Variants in CFAP91 observed in about 807,000 individuals in gnomAD.
CFAP91 encodes the protein cilia and flagella associated protein 91, also known as cilia- and flagella-associated protein 91.
Under a neutral mutation model 95.9 loss-of-function variants are expected in CFAP91, and 85 were observed. The observed-to-expected ratio is 0.89, with a 90% CI of 0.74 to 1.06. CFAP91 has a LOEUF of 1.06. Among genes scored for constraint, CFAP91 ranks in the 50% least tolerant of loss-of-function variants. The pLI is 0.00. For synonymous variants in CFAP91, 335 were observed against 327.5 expected, an observed-to-expected ratio of 1.02 and a Z score of -0.25; for missense variants, 962 against 943.4, an observed-to-expected ratio of 1.02 and a Z score of -0.26.
At chr3:119,716,833 G>A (rs984741898) in intron 6 of CFAP91, among the ~76,000 whole-genome samples, 6 of 152,008 alleles carry the variant, frequency 3.9e-5, no homozygotes, top group African/African-American at 1.4e-4. Flanking sequence ...CTCGTGATCT[G>A]CCCACCTCAG....
At chr3:119,730,897 CA>C (rs1323571614) in intron 8 of CFAP91, among the ~76,000 whole-genome samples, 1 of 151,992 alleles carries the variant, frequency 6.6e-6, no homozygotes, top group Non-Finnish European at 1.5e-5. Context: ...TTATTCACTG[CA>C]AGATTAATAA....
At chr3:119,715,807 A>G (rs764498858) in intron 6 of CFAP91, 64 bp downstream of exon 6, 2 of 1,450,164 alleles carry the variant, frequency 1.4e-6, no homozygotes, top group African/African-American at 2.8e-5. Flanking sequence ...ATGCTGTTCA[A>G]ATGGCCCATG....
At chr3:119,763,233 C>G (rs1475177394) in intron 17 of CFAP91, among the ~76,000 whole-genome samples, 1 of 151,960 alleles carries the variant, frequency 6.6e-6, no homozygotes, top group Non-Finnish European at 1.5e-5. Flanking sequence ...CCCAACATTA[C>G]TAATCGTTCG....
At chr3:119,748,186 T>C (rs571234456) in intron 16 of CFAP91, among the ~76,000 whole-genome samples, 55 of 152,336 alleles carry the variant, frequency 3.6e-4, no homozygotes, top group Admixed American at 3.2e-3. Context: ...TATTTTTTTA[T>C]TTATTTTTTT....
chr3:119,716,025 C>G, intron 6 of CFAP91: 1 of 560,790 alleles, frequency 1.8e-6, no homozygotes, highest in Non-Finnish European at 3.1e-6. Context: ...TCTCATTTCT[C>G]TCTCCTAGTG....
intron 15 of CFAP91, chr3:119,747,603 C>T: frequency 3.4e-6 from 2 of 580,098 alleles, no homozygotes; most frequent in Non-Finnish European, 6.0e-6. Flanking sequence ...CCCTTCCTGG[C>T]AGGCAGGGTA....
Position 119,709,891 on chromosome 3 carries a change from T to C in CFAP91, c.496T>C (p.Ser166Pro). ...GCCATTCAATGTTGTTTATGCCGTATCCAAGTAAGTAACCATTATTTGAAA... is the reference window on the plus strand; with the variant it reads ...GCCATTCAATGTTGTTTATGCCGTACCCAAGTAAGTAACCATTATTTGAAA... ...QMPFNVVYAV[S>P]KAEPYTFPPT... Residue 166 changes from serine (S) to proline (P), a missense_variant, in exon 5 of 18, where the codon TCC becomes CCC. Coordinates refer to ENST00000273390, the MANE Select transcript of CFAP91 (RefSeq NM_033364.4). The C allele has an allele frequency of 1.2e-6, 2 of 1,606,186 alleles. No homozygotes were observed. The highest frequency in any genetic ancestry group is 1.7e-4 in the Middle Eastern group (1 of 6,050).
intron 15 of CFAP91, chr3:119,747,503 A>G: frequency 3.5e-6 from 2 of 564,326 alleles, no homozygotes; most frequent in South Asian, 5.1e-5. Context: ...ACTCGGAAGC[A>G]TGAAAACAAT....
intron 1 of CFAP91, among the ~76,000 whole-genome samples, chr3:119,704,271 T>G (rs777342699): frequency 6.6e-6 from 1 of 152,238 alleles, no homozygotes; most frequent in Non-Finnish European, 1.5e-5. Context: ...GTGTCTCTTT[T>G]GCAGAGGAAT....
chr3:119,740,428 C>A, intron 12 of CFAP91, 121 bp from the exon 13 acceptor site: 2 of 1,160,330 alleles, frequency 1.7e-6, no homozygotes, highest in South Asian at 3.0e-5. Flanking sequence ...TCTGTGGAAC[C>A]CAAAAGGCAG....
At position 119,733,507 on chromosome 3, in the gene CFAP91, G is replaced by T; in HGVS notation, c.1344+1G>T. The T allele has an allele frequency of 6.2e-7, 1 of 1,607,984 alleles. No homozygotes were observed. Among genetic ancestry groups the T allele is most frequent in the Non-Finnish European group, 8.5e-7 (1 of 1,178,398 alleles). On this transcript the variant is annotated splice_donor_variant, in intron 10 of 17. Transcript: ENST00000273390. LOFTEE classifies it high-confidence loss of function. ...CTATGAGTTGGCAGAGGTTCATAAGGTATAATCATTATCTGGAGGACAAAA... is the reference window on the plus strand; with the variant it reads ...CTATGAGTTGGCAGAGGTTCATAAGTTATAATCATTATCTGGAGGACAAAA...
chr3:119,734,472 T>C (rs201691102), intron 10 of CFAP91, among the ~76,000 whole-genome samples: 1 of 90,836 alleles, frequency 1.1e-5, no homozygotes, highest in African/African-American at 3.8e-5. Flanking sequence ...ACGGAAGTTC[T>C]CTTCTTAATT....
chr3:119,744,223 A>G, intron 14 of CFAP91, 27 bp downstream of exon 14: 1 of 1,568,980 alleles, frequency 6.4e-7, no homozygotes, highest in Non-Finnish European at 8.7e-7. Context: ...GGGTGTGTGG[A>G]AGCTGCCTAG....
At chr3:119,730,183 G>A in intron 7 of CFAP91, 37 bp from the exon 8 acceptor site, 1 of 1,599,254 alleles carries the variant, frequency 6.3e-7, no homozygotes, top group Non-Finnish European at 8.5e-7. Flanking sequence ...TGTTTGAGAT[G>A]CCATATGCTT....
chr3:119,760,114 C>T (rs2054508710), intron 17 of CFAP91, among the ~76,000 whole-genome samples: 1 of 151,700 alleles, frequency 6.6e-6, no homozygotes, highest in African/African-American at 2.4e-5. Flanking sequence ...CAAATGAGAC[C>T]TAACTATGTC....
At chr3:119,760,193 A>T (rs1204444176) in intron 17 of CFAP91, among the ~76,000 whole-genome samples, 1 of 151,926 alleles carries the variant, frequency 6.6e-6, no homozygotes, top group African/African-American at 2.4e-5. Context: ...ATGAAAAAAG[A>T]TACTCAATGC....
chr3:119,761,321 A>T (rs1174893645), intron 17 of CFAP91, among the ~76,000 whole-genome samples: 2 of 151,888 alleles, frequency 1.3e-5, no homozygotes, highest in Non-Finnish European at 2.9e-5. Flanking sequence ...GAAAATAGAA[A>T]ATCAGAATAG....
rs536370414 is a variant in CFAP91, at chr3:119,754,705, G to C, written c.*1+3607G>C. Among the ~76,000 whole-genome samples, 19 of 152,346 alleles carry C rather than the reference G, an allele frequency of 1.2e-4. No homozygotes were observed. The South Asian group carries it at 3.9e-3, about 32-fold the overall frequency. Reference sequence around the variant, plus strand: ...CCATTGTCCCAGTTTCAACAGCCAGGTGGCTTTCACCATGAGCTTTGGAAG... The same window carrying C: ...CCATTGTCCCAGTTTCAACAGCCAGCTGGCTTTCACCATGAGCTTTGGAAG... On this transcript the variant is annotated intron_variant, in intron 17 of 17. Coordinates refer to ENST00000273390, the MANE Select transcript of CFAP91 (RefSeq NM_033364.4).
In CFAP91 at chr3:119,766,997, A is replaced by C. The variant is rs545218084; in HGVS notation, c.*1947A>C. On this transcript the variant is annotated 3_prime_UTR_variant, in exon 18 of 18. Transcript: ENST00000273390. ...GGAAAACTTTTTCTTGATACCGGCA[A>C]TCTTTTACTTATAATGGCTTGAGTT... 6.6e-6 allele frequency: 1 copy of C among 152,206 alleles called. No individual in the cohort carries two copies. The highest frequency in any genetic ancestry group is 1.5e-5 in the Non-Finnish European group (1 of 68,032). The allele number at this position is 152,206 out of a possible 1,614,324, so 9.4% of individuals were successfully genotyped here. A position where few individuals can be genotyped will look rare whatever the true frequency, so the allele number is the denominator to read the frequency against.
Sources: gnomAD v4.1 joint callset for allele counts (sites outside exome capture counted in the v4.1 genomes callset) on GRCh38, gnomAD v4.1.1 for gene constraint, MANE v1.5 for transcripts, NCBI Gene and HGNC (gene_info 2026-07-23, HGNC 2026-07-21) for gene names.